Variants in SNRNP70 observed in about 807,000 individuals in gnomAD.
SNRNP70 encodes small nuclear ribonucleoprotein U1 subunit 70.
A neutral mutation model predicts 50.5 loss-of-function variants in SNRNP70; 8 were observed. The observed-to-expected ratio is 0.16, with a 90% CI of 0.09 to 0.29. The LOEUF (loss-of-function observed/expected upper bound fraction) is 0.29, where lower values mean the gene tolerates loss of function less well. Ranked by LOEUF, SNRNP70 falls within the 10% of genes least tolerant of loss-of-function variation. The pLI is 1.00. For synonymous variants in SNRNP70, 320 were observed against 252.9 expected (o/e 1.27, Z -2.52); for missense variants, 529 against 663.5 (o/e 0.80, Z 2.23).
At chr19:49,098,775 A>G (rs1186685600) in intron 6 of SNRNP70, 71 bp downstream of exon 6, 7 of 1,267,396 alleles carry the variant, frequency 5.5e-6, no homozygotes, top group East Asian at 2.3e-5. Context: ...AGAGGGAGGG[A>G]GAGAGGTCCC....
chr19:49,093,838 A>G (rs1398433097), intron 4 of SNRNP70, among the ~76,000 whole-genome samples: 4 of 151,498 alleles, frequency 2.6e-5, no homozygotes, highest in African/African-American at 9.7e-5. Context: ...TACTAAAAAT[A>G]CCAAAACAAA....
intron 2 of SNRNP70, among the ~76,000 whole-genome samples, chr19:49,089,366 C>T (rs2040419999): frequency 6.6e-6 from 1 of 151,772 alleles, no homozygotes; most frequent in Admixed American, 6.6e-5. Context: ...GAGACGGGCA[C>T]AGGGGGGAAA....
intron 4 of SNRNP70, among the ~76,000 whole-genome samples, chr19:49,095,170 C>A (rs546115598): frequency 3.9e-5 from 6 of 152,356 alleles, no homozygotes; most frequent in East Asian, 1.9e-4. Flanking sequence ...GTGGCCCCCC[C>A]ACCCCGGGTA....
intron 8 of SNRNP70, among the ~76,000 whole-genome samples, chr19:49,105,500 G>A (rs1355215681): frequency 6.6e-6 from 1 of 152,212 alleles, no homozygotes; most frequent in East Asian, 1.9e-4. Context: ...AGGCCGAGGC[G>A]GGTGGATCAT....
chr19:49,090,308 T>A lies in SNRNP70; in HGVS notation c.165T>A (p.Pro55=). 6.2e-7 allele frequency: 1 copy of A among 1,613,904 alleles called. No individual in the cohort carries two copies. Among genetic ancestry groups the A allele is most frequent in the African/African-American group, 1.3e-5 (1 of 74,974 alleles). The change falls in exon 3 of 10, where the codon CCT becomes CCA. Residue 55 remains proline (P), a synonymous_variant. Transcript: ENST00000598441. ...GTTCCCAGGACCCTCGAGATGCCCC[T>A]CCTCCAACTCGTGCTGAAACCCGAG... The part of the protein sequence containing the change: ...IREFEDPRDA[P]PPTRAETREE...
intron 2 of SNRNP70, among the ~76,000 whole-genome samples, chr19:49,089,656 A>T (rs1229296656): frequency 1.8e-4 from 15 of 82,596 alleles, no homozygotes; most frequent in East Asian, 4.1e-4. Flanking sequence ...TTGAGACAGG[A>T]TTTTTTTTTT....
chr19:49,093,287 T>A (rs1324082788), intron 4 of SNRNP70, among the ~76,000 whole-genome samples: 1 of 151,678 alleles, frequency 6.6e-6, no homozygotes, highest in Non-Finnish European at 1.5e-5. Flanking sequence ...GGTTTCTCCA[T>A]GTTGGTCAGG....
chr19:49,087,042 C>A (rs1003085112), intron 2 of SNRNP70, among the ~76,000 whole-genome samples: 5 of 151,634 alleles, frequency 3.3e-5, no homozygotes, highest in African/African-American at 1.2e-4. Flanking sequence ...CAAAAATTAG[C>A]CGGACATGGT....
chr19:49,092,218 C>T (rs769556820), intron 4 of SNRNP70, among the ~76,000 whole-genome samples: 1 of 152,110 alleles, frequency 6.6e-6, no homozygotes, highest in Non-Finnish European at 1.5e-5. Context: ...AAGTGATTCT[C>T]CTGCTTCAGC....
rs1221122710 is a variant in SNRNP70, at chr19:49,104,776, G to C, written c.577+41G>C. The stretch of plus-strand genomic sequence containing the variant: ...CTTCGACGGGCTCTCGGGGGCCCTG[G>C]GCCTGGTGGCCTTGTTCTCCCTTCT... On this transcript the variant is annotated intron_variant, in intron 8 of 9. Coordinates refer to ENST00000598441, the MANE Select transcript of SNRNP70 (RefSeq NM_003089.6). The surrounding 1 kb of genome is among the most constrained non-coding windows in gnomAD (Gnocchi z 5.4). 7.6e-7 allele frequency: 1 copy of C among 1,314,834 alleles called. No homozygotes were observed. Among genetic ancestry groups the C allele is most frequent in the African/African-American group, 1.5e-5 (1 of 66,976 alleles). 81.4% of individuals were successfully genotyped at this position (1,314,834 alleles called of 1,614,324 possible). A position where few individuals can be genotyped will look rare whatever the true frequency, so the allele number is the denominator to read the frequency against.
At chr19:49,100,012 C>T (rs2040562786) in intron 6 of SNRNP70, among the ~76,000 whole-genome samples, 1 of 152,204 alleles carries the variant, frequency 6.6e-6, no homozygotes, top group African/African-American at 2.4e-5. Flanking sequence ...TTGGCCCCAC[C>T]CTTGTCCCTC....
At position 49,101,404 on chromosome 19, in the gene SNRNP70, C is replaced by T. The variant is rs201527646; in HGVS notation, c.408C>T (p.Tyr136=). 31 of 1,613,788 alleles carry T rather than the reference C, an allele frequency of 1.9e-5. No individual in the cohort carries two copies. In the Middle Eastern group the frequency reaches 4.9e-4, roughly 26 times the overall value. ...YGPIKRIHMV[Y]SKRSGKPRGY... ...GTGCCCCACAGATACACATGGTCTA[C>T]AGTAAGCGGTCAGGAAAGCCCCGTG... Residue 136 remains tyrosine, a synonymous_variant, in exon 7 of 10, where the codon TAC becomes TAT. Coordinates refer to ENST00000598441, the MANE Select transcript of SNRNP70 (RefSeq NM_003089.6).
intron 4 of SNRNP70, among the ~76,000 whole-genome samples, chr19:49,097,706 A>T (rs2040530603): frequency 6.6e-6 from 1 of 152,178 alleles, no homozygotes; most frequent in Admixed American, 6.5e-5. Context: ...CCCAGGCCTG[A>T]CCCAGCAGGA....
intron 2 of SNRNP70, among the ~76,000 whole-genome samples, chr19:49,089,036 T>C (rs1477161329): frequency 1.3e-5 from 2 of 152,208 alleles, no homozygotes; most frequent in African/African-American, 4.8e-5. Flanking sequence ...TTCCTAAATA[T>C]GGAAGACAGG....
chr19:49,090,798 G>T (rs906517648), intron 4 of SNRNP70, among the ~76,000 whole-genome samples: 1 of 152,140 alleles, frequency 6.6e-6, no homozygotes, highest in Non-Finnish European at 1.5e-5. Flanking sequence ...AACCCAGCTG[G>T]GTGTCACAGG....
chr19:49,091,638 G>C (rs989530505), intron 4 of SNRNP70, among the ~76,000 whole-genome samples: 1 of 152,152 alleles, frequency 6.6e-6, no homozygotes, highest in Non-Finnish European at 1.5e-5. Context: ...TGAGAAGACA[G>C]GTTTTCCTCC....
chr19:49,091,506 A>T (rs114050429), intron 4 of SNRNP70, among the ~76,000 whole-genome samples: 2,485 of 152,320 alleles, frequency 0.016, 61 homozygotes, highest in African/African-American at 0.056. Context: ...GCCTCGGAGC[A>T]GTGGGACGCA....
chr19:49,098,717 G>C lies in SNRNP70; in HGVS notation c.393+13G>C, dbSNP rs745518276. The C allele has an allele frequency of 6.2e-7, 1 of 1,611,416 alleles. No homozygotes were observed. The highest frequency in any genetic ancestry group is 1.7e-5 in the Admixed American group (1 of 60,010). ...ACCTATCAAAAGAGTAAGTGGAGTG[G>C]GTCAGGGTGTTTGAATTGGGGGTGC... On this transcript the variant is annotated intron_variant, in intron 6 of 9. Transcript: ENST00000598441.
In SNRNP70 at chr19:49,104,452, G is replaced by A. The variant is rs569396461; in HGVS notation, c.476-182G>A. On this transcript the variant is annotated intron_variant, in intron 7 of 9. Transcript: ENST00000598441. This position sits in a 1 kb window ranked among gnomAD's most constrained non-coding sequence, Gnocchi z 5.4. ...GAGAGGAAGCAGACGCTGAGATGGA[G>A]CAGGCCCTTCACCGGTTTGGGAGAG... is the stretch of plus-strand genomic sequence containing the variant. 2.3e-4 allele frequency: 139 copies of A among 597,960 alleles called. No individual in the cohort carries two copies. In the African/African-American group the frequency reaches 2.4e-3, roughly 10 times the overall value. 37.0% of individuals were successfully genotyped at this position (597,960 alleles called of 1,614,324 possible). A position where few individuals can be genotyped will look rare whatever the true frequency, so the allele number is the denominator to read the frequency against.
Sources: allele counts gnomAD v4.1 joint callset (sites outside exome capture counted in the v4.1 genomes callset), GRCh38; gene constraint gnomAD v4.1.1; non-coding constraint Gnocchi (gnomAD v3.1); transcripts MANE v1.5; gene names NCBI Gene and HGNC (gene_info 2026-07-23, HGNC 2026-07-21).